Variants in OPRM1 observed in about 807,000 individuals in gnomAD.
The protein encoded by OPRM1 is opioid receptor mu 1.
OPRM1 carries 27 observed loss-of-function variants against 31.8 expected under a neutral mutation model. That is an observed-to-expected ratio of 0.85 (90% CI 0.63 to 1.17). The LOEUF is 1.17. Among genes scored for constraint, OPRM1 ranks in the 50% most tolerant of loss-of-function variants. The pLI, the probability that OPRM1 is intolerant of heterozygous loss-of-function variation, is 0.00. For synonymous variants in OPRM1, 196 were observed against 189.9 expected, an observed-to-expected ratio of 1.03 and a Z score of -0.26; for missense variants, 536 against 511.1, an observed-to-expected ratio of 1.05 and a Z score of -0.47.
chr6:154,039,161 A>G, upstream of OPRM1: 3 of 1,551,362 alleles, frequency 1.9e-6, no homozygotes, highest in East Asian at 2.4e-5. Flanking sequence ...CCTCCTTTAG[A>G]TGTGTTTGCA....
intron 3 of OPRM1, among the ~76,000 whole-genome samples, chr6:154,178,690 CA>C: frequency 6.6e-6 from 1 of 152,188 alleles, no homozygotes; most frequent in Admixed American, 6.5e-5. Flanking sequence ...TCAAAAAAAC[CA>C]ATATCTTCAA....
At chr6:154,156,076 C>A (rs1267755677) in intron 3 of OPRM1, 1 of 152,206 alleles carries the variant, frequency 6.6e-6, no homozygotes, top group Non-Finnish European at 1.5e-5. Flanking sequence ...CTCTCCATTT[C>A]TTTAAATATA....
In OPRM1 at chr6:154,117,238, CA is replaced by C. The variant is rs17174899; in HGVS notation, c.1165-1440del. On this transcript the variant is annotated intron_variant, in intron 3 of 3. Transcript: ENST00000330432. Reference sequence around the variant, plus strand: ...ATGAGTTCTTGCCTTTTTATTCTTCCAAAAAGTTGTTGTCTGTCTTGGCACC... The same window carrying C: ...ATGAGTTCTTGCCTTTTTATTCTTCCAAAAGTTGTTGTCTGTCTTGGCACC... Among the ~76,000 whole-genome samples the C allele has an allele frequency of 2.7e-3, 404 of 152,246 alleles. 2 individuals are homozygous for C. Among genetic ancestry groups the C allele is most frequent in the African/African-American group, 9.3e-3 (385 of 41,546 alleles).
chr6:154,015,696 A>G (rs917188664), intron 1 of OPRM1, among the ~76,000 whole-genome samples: 5 of 152,080 alleles, frequency 3.3e-5, no homozygotes, highest in African/African-American at 4.8e-5. Flanking sequence ...TGGCAAAATC[A>G]TAAGCAAATA....
intron 3 of OPRM1, among the ~76,000 whole-genome samples, chr6:154,153,811 G>C (rs772703435): frequency 6.6e-6 from 1 of 152,170 alleles, no homozygotes; most frequent in Non-Finnish European, 1.5e-5. Flanking sequence ...GTAGCCCAGG[G>C]AGTGGGCAAA....
At chr6:154,217,198 AT>A in intron 3 of OPRM1, 1 of 164,120 alleles carries the variant, frequency 6.1e-6, no homozygotes, top group East Asian at 1.6e-4. Context: ...AGAATGCTGC[AT>A]TTTTCCTGCA....
rs1799556839 is a variant in OPRM1 at position 154,167,791 on chromosome 6, T to C, written c.1164+76319T>C. The C allele has an allele frequency of 1.6e-5, 10 of 644,204 alleles. No homozygotes were observed. In the Admixed American group the frequency reaches 3.0e-4, roughly 19 times the overall value. 39.9% of individuals were successfully genotyped at this position (644,204 alleles called of 1,614,324 possible). On this transcript the variant is annotated intron_variant, in intron 3 of 3. Coordinates refer to the OPRM1 transcript ENST00000337049. ...CAAGATCATCTTGCCCTATAAAGGTTATATTTACTTTTACAGCCCTTCCCT... is the reference window on the plus strand; with the variant it reads ...CAAGATCATCTTGCCCTATAAAGGTCATATTTACTTTTACAGCCCTTCCCT...
chr6:154,030,681 T>C lies in OPRM1; in HGVS notation c.1-8480T>C, dbSNP rs138096292. On this transcript the variant is annotated intron_variant, in intron 1 of 5. Transcript: ENST00000434900. The stretch of plus-strand genomic sequence containing the variant: ...CAGAGAGATTAGAGAAGAAAGACAG[T>C]CTAGTCGAGACCAGACTGACCAGCA... Among the ~76,000 whole-genome samples, 240 of 152,206 alleles carry C rather than the reference T, an allele frequency of 1.6e-3. 1 individual carries two copies. The highest frequency in any genetic ancestry group is 5.4e-3 in the African/African-American group (226 of 41,532).
chr6:154,065,935 T>C (rs1270414350), intron 1 of OPRM1, among the ~76,000 whole-genome samples: 1 of 152,196 alleles, frequency 6.6e-6, no homozygotes, highest in Non-Finnish European at 1.5e-5. Flanking sequence ...TATGTTATGG[T>C]TGATTCTTTC....
At chr6:154,172,126 C>T (rs1799923557) in intron 3 of OPRM1, among the ~76,000 whole-genome samples, 1 of 152,196 alleles carries the variant, frequency 6.6e-6, no homozygotes, top group African/African-American at 2.4e-5. Context: ...TTGACTAAAA[C>T]ATTTTGTTTG....
At chr6:154,061,638 A>T (rs1279312675) in intron 1 of OPRM1, among the ~76,000 whole-genome samples, 1 of 152,056 alleles carries the variant, frequency 6.6e-6, no homozygotes, top group Non-Finnish European at 1.5e-5. Flanking sequence ...ATGGACAAAG[A>T]GGGGAGCAAC....
At chr6:154,209,634 A>C (rs1465582302) in intron 3 of OPRM1, among the ~76,000 whole-genome samples, 1 of 138,794 alleles carries the variant, frequency 7.2e-6, no homozygotes, top group Non-Finnish European at 1.6e-5. Context: ...ACAGACTGAG[A>C]CTGTGTCTCA....
rs563767066 is a variant in OPRM1 at position 154,131,671 on chromosome 6, T to C, written c.*12950T>C. The stretch of plus-strand genomic sequence containing the variant: ...AGAATAGTTTCTGTTTTACGGATTT[T>C]GTATCCAAGTAAATGAAAACACAAT... On this transcript the variant is annotated 3_prime_UTR_variant, in exon 4 of 4. Coordinates refer to ENST00000330432, the MANE Select transcript of OPRM1 (RefSeq NM_000914.5). 3.9e-5 allele frequency among the ~76,000 whole-genome samples: 6 copies of C among 152,356 alleles called. No homozygotes were observed. The highest frequency in any genetic ancestry group is 1.4e-4 in the African/African-American group (6 of 41,594).
exon 1 of OPRM1, chr6:154,010,684 C>T: frequency 1.4e-6 from 2 of 1,450,632 alleles, no homozygotes; most frequent in Non-Finnish European, 9.1e-7. Flanking sequence ...CATGAAAAAG[C>T]AGCCGGGTCA....
chr6:154,067,965 T>G (rs1435547787), intron 1 of OPRM1, among the ~76,000 whole-genome samples: 2 of 152,176 alleles, frequency 1.3e-5, no homozygotes, highest in African/African-American at 2.4e-5. Flanking sequence ...TTTATAATTG[T>G]CAATGTATTT....
At chr6:154,176,141 C>G (rs1354370521) in intron 3 of OPRM1, among the ~76,000 whole-genome samples, 1 of 152,168 alleles carries the variant, frequency 6.6e-6, no homozygotes, top group Non-Finnish European at 1.5e-5. Flanking sequence ...GCTAAAAACT[C>G]TCAATAAACT....
At chr6:154,177,746 C>A (rs1257558670) in intron 3 of OPRM1, among the ~76,000 whole-genome samples, 1 of 152,136 alleles carries the variant, frequency 6.6e-6, no homozygotes, top group African/African-American at 2.4e-5. Flanking sequence ...CCTCAAGGAT[C>A]TAGAACTAGA....
chr6:154,021,913 T>C (rs982503951), intron 1 of OPRM1, among the ~76,000 whole-genome samples: 1 of 152,098 alleles, frequency 6.6e-6, no homozygotes, highest in East Asian at 1.9e-4. Context: ...ACAAAGGCAG[T>C]TCTATTTTTT....
At chr6:154,185,797 T>A (rs1801289704) in intron 3 of OPRM1, among the ~76,000 whole-genome samples, 1 of 152,170 alleles carries the variant, frequency 6.6e-6, no homozygotes, top group South Asian at 2.1e-4. Context: ...TCACAAAAAA[T>A]TCTCATAATG....
Sources: gnomAD v4.1 joint callset for allele counts (sites outside exome capture counted in the v4.1 genomes callset) on GRCh38, gnomAD v4.1.1 for gene constraint, MANE v1.5 for transcripts, NCBI Gene and HGNC (gene_info 2026-07-23, HGNC 2026-07-21) for gene names.